The following ZZEF1 variants were observed in gnomAD, a reference collection of about 807,000 sequenced individuals.
ZZEF1 encodes the protein zinc finger ZZ-type and EF-hand domain containing 1.
ZZEF1 carries 157 observed loss-of-function variants against 342.8 expected under a neutral mutation model. That is an observed-to-expected ratio of 0.46 (90% CI 0.40 to 0.52). The LOEUF (loss-of-function observed/expected upper bound fraction) is 0.52. ZZEF1 is among the 20% of genes least tolerant of loss of function. The pLI is 0.00. For missense variants in ZZEF1, 3,480 were observed against 3,725.6 expected (o/e 0.93, Z 1.72); for synonymous variants, 1,505 against 1,429.1 (o/e 1.05, Z -1.20).
chr17:4,077,339 C>T (rs2057642786), intron 19 of ZZEF1, among the ~76,000 whole-genome samples: 1 of 152,190 alleles, frequency 6.6e-6, no homozygotes, highest in African/African-American at 2.4e-5. Flanking sequence ...AGGCCAAGCT[C>T]TAGGTGGCAG....
In ZZEF1 at chr17:4,075,176, T is replaced by C; in HGVS notation, c.3404A>G (p.Tyr1135Cys). 2.5e-6 allele frequency: 4 copies of C among 1,614,204 alleles called. No individual in the cohort carries two copies. Among genetic ancestry groups the C allele is most frequent in the Non-Finnish European group, 3.4e-6 (4 of 1,180,012 alleles). The change falls in exon 23 of 55, where the codon TAT becomes TGT. Residue 1135 changes from tyrosine to cysteine, a missense_variant and splice_region_variant. Tyr to Cys is a radical substitution (Grantham distance 194). This residue lies in a region of ZZEF1 where 1,528 missense variants were observed against 1,624.1 expected (regional missense o/e 0.94). Coordinates refer to ENST00000381638, the MANE Select transcript of ZZEF1 (RefSeq NM_015113.4). ...FDDRCETEKR[Y>C]DYLEFTDARG... ...AGCGTCGGTAAATTCCAGATAATCA[T>C]ACCTGTGAAGGCATAACCTCTATTA...
At position 4,104,671 on chromosome 17, in the gene ZZEF1, G is replaced by A; in HGVS notation, c.1535C>T (p.Ser512Phe). 6.2e-7 allele frequency: 1 copy of A among 1,614,112 alleles called. No individual in the cohort carries two copies. Residue 512 changes from serine to phenylalanine, a missense_variant, in exon 8 of 55, where the codon TCC becomes TTC. This residue lies in a region of ZZEF1 where 1,528 missense variants were observed against 1,624.1 expected (regional missense o/e 0.94). Coordinates refer to ENST00000381638, the MANE Select transcript of ZZEF1 (RefSeq NM_015113.4). ...TQYDASSLIL[S>F]MASVRQNLLL... ...CAGGTTCTGTCTGACTGACGCCATG[G>A]ACAAGATGAGGGATGAGGCATCATA...
At chr17:4,104,262 A>G (rs2058173637) in intron 8 of ZZEF1, among the ~76,000 whole-genome samples, 1 of 152,172 alleles carries the variant, frequency 6.6e-6, no homozygotes, top group Admixed American at 6.5e-5. Flanking sequence ...CCTCCCTCCA[A>G]CAGGTAAGAA....
intron 52 of ZZEF1, among the ~76,000 whole-genome samples, chr17:4,011,878 C>A (rs1015314959): frequency 6.6e-6 from 1 of 152,152 alleles, no homozygotes; most frequent in Non-Finnish European, 1.5e-5. Context: ...GTACAATGTA[C>A]CTGCGAGCTG....
intron 18 of ZZEF1, among the ~76,000 whole-genome samples, chr17:4,079,462 C>G (rs984646217): frequency 1.3e-5 from 2 of 151,910 alleles, no homozygotes; most frequent in Admixed American, 1.3e-4. Flanking sequence ...TAACTGGGGC[C>G]GAGAACACAT....
At chr17:4,058,722 G>T (rs2057221711) in intron 31 of ZZEF1, among the ~76,000 whole-genome samples, 1 of 152,048 alleles carries the variant, frequency 6.6e-6, no homozygotes, top group Non-Finnish European at 1.5e-5. Flanking sequence ...AAAACATAAA[G>T]AAAATTAGCC....
intron 30 of ZZEF1, among the ~76,000 whole-genome samples, chr17:4,060,654 C>T (rs2057267727): frequency 6.6e-6 from 1 of 151,560 alleles, no homozygotes; most frequent in African/African-American, 2.4e-5. Flanking sequence ...CCTGATGCCA[C>T]CACTACCTCC....
chr17:4,074,490 ATGTACAAAGGGG>A, intron 23 of ZZEF1, 139 bp from the exon 24 acceptor site: 1 of 885,612 alleles, frequency 1.1e-6, no homozygotes. Flanking sequence ...TAACGGAGAA[ATGTACAAAGGGG>A]TGACGGAAAC....
At position 4,006,923 on chromosome 17, in the gene ZZEF1, G is replaced by T; in HGVS notation, c.8853C>A (p.Asn2951Lys). Residue 2951 changes from asparagine to lysine, a missense_variant, in exon 55 of 55, where the codon AAC (asparagine) becomes AAA (lysine). By Grantham distance (94) the Asn-to-Lys change is moderately conservative. This residue lies in a region of ZZEF1 where 1,269 missense variants were observed against 1,342.4 expected (regional missense o/e 0.95). Transcript: ENST00000381638. ...AAISLAINYP[N>K]KATRLWNVEC ...CCACATTCCAGAGGCGGGTGGCCTT[G>T]TTTGGGTAGTTGATGGCCAGGCTGA... 6.4e-7 allele frequency: 1 copy of T among 1,570,342 alleles called. No homozygotes were observed.
chr17:4,033,408 C>T (rs959602385), intron 40 of ZZEF1: 8 of 166,312 alleles, frequency 4.8e-5, no homozygotes, highest in Non-Finnish European at 8.0e-5. Context: ...GGTGTAATGG[C>T]GCGATCTCTG....
chr17:4,064,356 CT>C lies in ZZEF1; in HGVS notation c.4718+4del, dbSNP rs752625806. ...AAAGCGACAGGAAGGTAACAACGGG[CT>C]TACCTCCTGTGCGAGAGCGACTGAT... On this transcript the variant is annotated splice_donor_region_variant and intron_variant, in intron 29 of 54. Transcript: ENST00000381638. The C allele has an allele frequency of 6.4e-7, 1 of 1,570,154 alleles. No homozygotes were observed. The highest frequency in any genetic ancestry group is 8.7e-7 in the Non-Finnish European group (1 of 1,152,416).
chr17:4,031,673 G>A (rs951302190), intron 42 of ZZEF1, among the ~76,000 whole-genome samples: 1 of 152,150 alleles, frequency 6.6e-6, no homozygotes, highest in Admixed American at 6.6e-5. Context: ...CTGGGCCTTG[G>A]CAAACTAAGT....
intron 5 of ZZEF1, among the ~76,000 whole-genome samples, 199 bp from the exon 6 acceptor site, chr17:4,110,062 T>A (rs921328651): frequency 3.9e-5 from 6 of 152,078 alleles, no homozygotes; most frequent in Non-Finnish European, 8.8e-5. Flanking sequence ...ATCTAAGAAA[T>A]CATAAGAATA....
chr17:4,107,949 T>C (rs888089275), intron 6 of ZZEF1, among the ~76,000 whole-genome samples: 1 of 152,168 alleles, frequency 6.6e-6, no homozygotes, highest in African/African-American at 2.4e-5. Context: ...TAATGAGACA[T>C]GTCAAAAGGA....
At chr17:4,115,020 C>CT (rs1357454497) in intron 3 of ZZEF1, among the ~76,000 whole-genome samples, 2 of 151,670 alleles carry the variant, frequency 1.3e-5, no homozygotes, top group Admixed American at 6.6e-5. Context: ...AACCCACGTG[C>CT]TTTTTTTTGT....
intron 42 of ZZEF1, among the ~76,000 whole-genome samples, chr17:4,026,040 C>T (rs1350007241): frequency 2.0e-5 from 3 of 151,926 alleles, no homozygotes; most frequent in South Asian, 2.1e-4. Context: ...CAGGGAGATG[C>T]AGAGAGAGAG....
Position 4,044,252 on chromosome 17 carries a change from T to G in ZZEF1, c.6138A>C (p.Ala2046=). The change falls in exon 38 of 55, where the codon GCA becomes GCC. Residue 2046 remains alanine, a synonymous_variant. Coordinates refer to ENST00000381638, the MANE Select transcript of ZZEF1 (RefSeq NM_015113.4). The part of the protein sequence containing the change: ...SCQTQISDSP[A]DASPPTGLPD... Reference sequence around the variant, plus strand: ...GAAGTCCTGTAGGTGGGCTAGCATCTGCAGGTGAATCTGAAATTTGGGTCT... The same window carrying G: ...GAAGTCCTGTAGGTGGGCTAGCATCGGCAGGTGAATCTGAAATTTGGGTCT... 2 of 1,614,190 alleles carry G rather than the reference T, an allele frequency of 1.2e-6. No individual in the cohort carries two copies. The highest frequency in any genetic ancestry group is 1.7e-6 in the Non-Finnish European group (2 of 1,180,004).
At position 4,005,873 on chromosome 17, in the gene ZZEF1, C is replaced by T. The variant is rs2144902237; in HGVS notation, c.*1017G>A. 1 of 152,370 alleles carries T rather than the reference C, an allele frequency of 6.6e-6. No individual in the cohort carries two copies. The highest frequency in any genetic ancestry group is 6.5e-5 in the Admixed American group (1 of 15,300). The allele number at this position is 152,370 out of a possible 1,614,324, so 9.4% of individuals were successfully genotyped here. ...TCTGGAGGGAGAATCATCATCGGCA[C>T]TCCAGGGCAAGACTAAACCCATCAA... is the stretch of plus-strand genomic sequence containing the variant. On this transcript the variant is annotated 3_prime_UTR_variant, in exon 55 of 55. Coordinates refer to ENST00000381638, the MANE Select transcript of ZZEF1 (RefSeq NM_015113.4).
chr17:4,135,812 T>A (rs2058738289), intron 1 of ZZEF1, among the ~76,000 whole-genome samples: 1 of 151,938 alleles, frequency 6.6e-6, no homozygotes, highest in Admixed American at 6.6e-5. Context: ...CCATCCTGAT[T>A]GTCACCTTTG....
Sources: gnomAD v4.1 joint callset for allele counts (sites outside exome capture counted in the v4.1 genomes callset) on GRCh38, gnomAD v4.1.1 for gene constraint, gnomAD v4.1.1 regional missense constraint, MANE v1.5 for transcripts, NCBI Gene and HGNC (gene_info 2026-07-23, HGNC 2026-07-21) for gene names.